PACRGL: variants seen among roughly 807,000 people sequenced by gnomAD.
The protein encoded by PACRGL is PACRG-like protein.
PACRGL carries 38 observed loss-of-function variants against 34.5 expected under a neutral mutation model. The observed-to-expected ratio is 1.10, with a 90% CI of 0.85 to 1.44. The LOEUF is 1.44. Among genes scored for constraint, PACRGL ranks in the 40% most tolerant of loss-of-function variants. The pLI is 0.00. For synonymous variants in PACRGL, 128 were observed against 100.1 expected (o/e 1.28, Z -1.66); for missense variants, 305 against 281.4 (o/e 1.08, Z -0.60).
chr4:20,715,739 C>T lies in PACRGL; in HGVS notation c.609+2200C>T, dbSNP rs117595070. Among the ~76,000 whole-genome samples, 349 of 152,128 alleles carry T rather than the reference C, an allele frequency of 2.3e-3. 8 individuals carry two copies. In the South Asian group the frequency reaches 0.046, roughly 20 times the overall value. On this transcript the variant is annotated intron_variant, in intron 7 of 8. Coordinates refer to ENST00000503585, the MANE Select transcript of PACRGL (RefSeq NM_001258345.3). ...AATACTAGCCAAGTGTGGTGGCATA[C>T]ACCTGTAGTCCCAGCTTCAGGAGGC...
At chr4:20,715,590 G>A (rs1047032046) in intron 7 of PACRGL, among the ~76,000 whole-genome samples, 4 of 151,952 alleles carry the variant, frequency 2.6e-5, no homozygotes, top group Non-Finnish European at 4.4e-5. Context: ...TAAACCACCC[G>A]GGCGTAGTGG....
the PACRGL span, chr4:20,758,974 A>C: frequency 9.7e-7 from 1 of 1,032,220 alleles, no homozygotes; most frequent in Non-Finnish European, 1.5e-6. Context: ...AGAACTGTCT[A>C]CCATGCAAAG....
the PACRGL span, among the ~76,000 whole-genome samples, chr4:20,762,473 A>G: frequency 1.3e-5 from 2 of 152,158 alleles, no homozygotes; most frequent in Non-Finnish European, 2.9e-5. Context: ...AAACTAGTGC[A>G]TTTTTTTAAA....
At chr4:20,736,685 C>T (rs1035780109), downstream of PACRGL, among the ~76,000 whole-genome samples, 132 of 152,056 alleles carry the variant, frequency 8.7e-4, 1 homozygote, top group Non-Finnish European at 1.2e-4. Flanking sequence ...TTTCAATTCG[C>T]TTTTAAGCAT....
At chr4:20,721,233 T>G (rs2149170396) in intron 7 of PACRGL, among the ~76,000 whole-genome samples, 1 of 152,278 alleles carries the variant, frequency 6.6e-6, no homozygotes. Context: ...CATCTAATCT[T>G]TTTTCAATGT....
At chr4:20,699,921 G>A (rs553226449), upstream of PACRGL, among the ~76,000 whole-genome samples, 48 of 152,290 alleles carry the variant, frequency 3.2e-4, no homozygotes, top group Admixed American at 4.6e-4. Context: ...ATACTGTGAA[G>A]AATGCAATAG....
rs1553862850 is a variant in PACRGL at position 20,704,804 on chromosome 4, C to T, written c.197C>T (p.Thr66Ile). ...CCAAGTGATAAACTGAACCCTAAAA[C>T]AATTAATCCGGTAGGTCCAAAACTA... ...PRPSDKLNPK[T>I]INPFGEQSRV... Residue 66 changes from threonine (T) to isoleucine (I), a missense_variant, in exon 3 of 9, where the codon ACA becomes ATA. Coordinates refer to ENST00000503585, the MANE Select transcript of PACRGL (RefSeq NM_001258345.3). 2.8e-5 allele frequency: 45 copies of T among 1,613,958 alleles called. No individual in the cohort carries two copies. The South Asian group carries it at 4.6e-4, about 17-fold the overall frequency.
In PACRGL at chr4:20,731,941, C is replaced by T; in HGVS notation, c.*4600C>T. 1 of 1,598,424 alleles carries T rather than the reference C, an allele frequency of 6.3e-7. No individual in the cohort carries two copies. Among genetic ancestry groups the T allele is most frequent in the Non-Finnish European group, 8.5e-7 (1 of 1,172,728 alleles). On this transcript the variant is annotated 3_prime_UTR_variant, in exon 9 of 9. Coordinates refer to ENST00000503585, the MANE Select transcript of PACRGL (RefSeq NM_001258345.3). ...ATTTCGCCCAGTTCATGGTAGCTAG[C>T]TGCTAATACTCAGTTTAGCTGTTAT... is the stretch of plus-strand genomic sequence containing the variant.
At chr4:20,720,684 C>T (rs577978718) in intron 7 of PACRGL, among the ~76,000 whole-genome samples, 1 of 152,252 alleles carries the variant, frequency 6.6e-6, no homozygotes, top group South Asian at 2.1e-4. Flanking sequence ...GAGTGTCTGC[C>T]ACGAGTTCTG....
At chr4:20,717,115 G>C (rs2149132854) in intron 7 of PACRGL, among the ~76,000 whole-genome samples, 1 of 152,260 alleles carries the variant, frequency 6.6e-6, no homozygotes, top group African/African-American at 2.4e-5. Flanking sequence ...GTGTCTGTTG[G>C]CTGCATAAAT....
intron 5 of PACRGL, among the ~76,000 whole-genome samples, chr4:20,710,304 C>T (rs1309575769): frequency 2.6e-5 from 4 of 152,086 alleles, no homozygotes; most frequent in Non-Finnish European, 5.9e-5. Flanking sequence ...TTGATAGCTT[C>T]CTTTATATAA....
chr4:20,723,146 A>C (rs777489180), intron 7 of PACRGL, among the ~76,000 whole-genome samples: 1 of 152,130 alleles, frequency 6.6e-6, no homozygotes, highest in African/African-American at 2.4e-5. Flanking sequence ...GTGAGAATAG[A>C]CTTTCAAGCC....
At chr4:20,720,686 C>T (rs902700642) in intron 7 of PACRGL, among the ~76,000 whole-genome samples, 2 of 152,144 alleles carry the variant, frequency 1.3e-5, no homozygotes, top group African/African-American at 2.4e-5. Flanking sequence ...GTGTCTGCCA[C>T]GAGTTCTGCT....
At chr4:20,719,587 A>T (rs1313910441) in intron 7 of PACRGL, among the ~76,000 whole-genome samples, 1 of 152,216 alleles carries the variant, frequency 6.6e-6, no homozygotes, top group Non-Finnish European at 1.5e-5. Flanking sequence ...TTCATTATGT[A>T]TCCAGCAGTC....
Position 20,729,466 on chromosome 4 carries a change from A to AAC in PACRGL, c.*2125_*2126insAC, listed in dbSNP as rs773540263. 8,827 of 132,150 alleles carry AAC rather than the reference A, an allele frequency of 0.067. 301 individuals carry two copies. Among genetic ancestry groups the AAC allele is most frequent in the Admixed American group, 0.11 (1,421 of 13,460 alleles). 8.2% of individuals were successfully genotyped at this position (132,150 alleles called of 1,614,324 possible). On this transcript the variant is annotated 3_prime_UTR_variant, in exon 9 of 9. Transcript: ENST00000503585. ...ATTAGGCATATGCTGATATCTGATAATAAACTAATTTTTAAATGTTTAATA... is the reference window on the plus strand; with the variant it reads ...ATTAGGCATATGCTGATATCTGATAAACTAAACTAATTTTTAAATGTTTAATA...
chr4:20,709,094 G>A (rs1402546595), intron 4 of PACRGL, among the ~76,000 whole-genome samples: 1 of 152,082 alleles, frequency 6.6e-6, no homozygotes, highest in Non-Finnish European at 1.5e-5. Flanking sequence ...AGCCAAGATC[G>A]CGCCATTACA....
At position 20,729,601 on chromosome 4, in the gene PACRGL, A is replaced by AAAGTATATAAATGGAATT. The variant is rs1160567555; in HGVS notation, c.*2261_*2278dup. 8.0e-6 allele frequency: 1 copy of AAAGTATATAAATGGAATT among 124,252 alleles called. No homozygotes were observed. The highest frequency in any genetic ancestry group is 2.0e-4 in the East Asian group (1 of 5,064). 7.7% of individuals were successfully genotyped at this position (124,252 alleles called of 1,614,324 possible). On this transcript the variant is annotated 3_prime_UTR_variant, in exon 9 of 9. Coordinates refer to ENST00000503585, the MANE Select transcript of PACRGL (RefSeq NM_001258345.3). ...TTAATTGTTGTAATCTTGTTTCCTT[A>AAAGTATATAAATGGAATT]AAGTATATAAATGGAATTTAAATGG... is the stretch of plus-strand genomic sequence containing the variant.
At chr4:20,735,841 C>G (rs117513378), downstream of PACRGL, among the ~76,000 whole-genome samples, 353 of 152,140 alleles carry the variant, frequency 2.3e-3, 8 homozygotes, top group South Asian at 0.046. Context: ...GGCCAGATTT[C>G]TTGTTGTTAT....
Position 20,712,923 on chromosome 4 carries a change from G to A in PACRGL, c.501+1G>A. 3.9e-6 allele frequency: 6 copies of A among 1,550,538 alleles called. No individual in the cohort carries two copies. The highest frequency in any genetic ancestry group is 5.2e-6 in the Non-Finnish European group (6 of 1,146,192). ...GATTCCTGTGCTAAAGGCAGCTCTGGTATGTCATTTATTTCATTGTACTTT... is the reference window on the plus strand; with the variant it reads ...GATTCCTGTGCTAAAGGCAGCTCTGATATGTCATTTATTTCATTGTACTTT... On this transcript the variant is annotated splice_donor_variant, in intron 6 of 8. Coordinates refer to ENST00000503585, the MANE Select transcript of PACRGL (RefSeq NM_001258345.3). LOFTEE classifies it high-confidence loss of function.
Sources: allele counts gnomAD v4.1 joint callset (sites outside exome capture counted in the v4.1 genomes callset), GRCh38; gene constraint gnomAD v4.1.1; transcripts MANE v1.5; gene names NCBI Gene and HGNC (gene_info 2026-07-23, HGNC 2026-07-21).